The following ETS1 variants were observed in gnomAD, a reference collection of about 807,000 sequenced individuals.
ETS1 encodes the protein protein C-ets-1.
In ETS1, 15 loss-of-function variants were observed where a neutral mutation model predicts 58.6. The observed-to-expected ratio is 0.26, with a 90% confidence interval of 0.17 to 0.39. The LOEUF is 0.39. Among genes scored for constraint, ETS1 ranks in the 10% least tolerant of loss-of-function variants. ETS1 has a pLI of 1.00. For synonymous variants in ETS1, 214 were observed against 218.2 expected (o/e 0.98, Z 0.17); for missense variants, 417 against 610.5 (o/e 0.68, Z 3.34).
chr11:128,522,376 CGCCGCGTCTCG>C, intron 3 of ETS1: 2 of 988,528 alleles, frequency 2.0e-6, no homozygotes, highest in Non-Finnish European at 2.4e-6. Context: ...TTTCTCGCGG[CGCCGCGTCTCG>C]GCCGCTGGGT....
intron 1 of ETS1, among the ~76,000 whole-genome samples, chr11:128,584,224 C>A (rs1413010325): frequency 1.3e-5 from 2 of 152,156 alleles, no homozygotes; most frequent in Non-Finnish European, 2.9e-5. Context: ...AATAAGTAAT[C>A]CACAGATACC....
chr11:128,542,686 C>T (rs1864074343), intron 3 of ETS1, among the ~76,000 whole-genome samples: 1 of 152,064 alleles, frequency 6.6e-6, no homozygotes, highest in African/African-American at 2.4e-5. Flanking sequence ...CAGCAACAAC[C>T]CCTCCACTAG....
chr11:128,465,893 C>T (rs1448564532), intron 8 of ETS1, among the ~76,000 whole-genome samples: 1 of 152,184 alleles, frequency 6.6e-6, no homozygotes, highest in Non-Finnish European at 1.5e-5. Context: ...CACTGCAAGG[C>T]CATTTAGATC....
rs1440002146 is a variant in ETS1, at chr11:128,459,310, C to G, written c.*3051G>C. 6.6e-6 allele frequency: 1 copy of G among 152,660 alleles called. No homozygotes were observed. The highest frequency in any genetic ancestry group is 1.5e-5 in the Non-Finnish European group (1 of 68,034). 9.5% of individuals were successfully genotyped at this position (152,660 alleles called of 1,614,324 possible). A position where few individuals can be genotyped will look rare whatever the true frequency, so the allele number is the denominator to read the frequency against. On this transcript the variant is annotated 3_prime_UTR_variant, in exon 10 of 10. Transcript: ENST00000392668. ...ACCCCAACAGAGTAAGCGGCATGCA[C>G]AGCATGACTAGAAGAGAGATGGTGT...
intron 3 of ETS1, among the ~76,000 whole-genome samples, chr11:128,538,755 TACACACAC>T (rs141065992): frequency 0.01 from 1,495 of 144,962 alleles, 21 homozygotes; most frequent in African/African-American, 0.034. Context: ...CATACACACA[TACACACAC>T]ACACACACAC....
chr11:128,541,716 C>A (rs997121960), intron 3 of ETS1, among the ~76,000 whole-genome samples: 18 of 152,154 alleles, frequency 1.2e-4, no homozygotes, highest in Non-Finnish European at 2.4e-4. Flanking sequence ...TCTCCACAGA[C>A]CTTAACTGAG....
chr11:128,580,883 T>A (rs923872150), intron 1 of ETS1, among the ~76,000 whole-genome samples: 1 of 152,148 alleles, frequency 6.6e-6, no homozygotes, highest in Non-Finnish European at 1.5e-5. Context: ...TAAACCCATC[T>A]CCTAATTAAG....
In ETS1 at chr11:128,482,977, T is replaced by C. The variant is rs1448742479; in HGVS notation, c.862+1846A>G. 2.0e-5 allele frequency among the ~76,000 whole-genome samples: 3 copies of C among 152,234 alleles called. 1 individual carries two copies. Among genetic ancestry groups the C allele is most frequent in the Admixed American group, 1.3e-4 (2 of 15,290 alleles). On this transcript the variant is annotated intron_variant, in intron 7 of 9. Transcript: ENST00000392668. ...TGTACGCTGTAATGCAGCCCGTGAA[T>C]ACTGTACTATGGTTAGTATAAATAA...
chr11:128,531,236 A>C (rs1281793300), intron 3 of ETS1, among the ~76,000 whole-genome samples: 1 of 152,246 alleles, frequency 6.6e-6, no homozygotes, highest in African/African-American at 2.4e-5. Flanking sequence ...CTTTGACCTC[A>C]GAAAGCCTCA....
chr11:128,534,355 A>C (rs1325561886), intron 3 of ETS1, among the ~76,000 whole-genome samples: 1 of 152,238 alleles, frequency 6.6e-6, no homozygotes, highest in African/African-American at 2.4e-5. Context: ...ATACAATTTA[A>C]GTTTTCCATG....
In ETS1 at chr11:128,480,082, C is replaced by A. The variant is rs571000924; in HGVS notation, c.1123+109G>T. On this transcript the variant is annotated intron_variant, in intron 8 of 9. Transcript: ENST00000392668. ...AGAGAGACTTCTCCCCCGTGCCCTG[C>A]AAAAGGGAGTCTCTCGTCGTCTCTG... The A allele has an allele frequency of 2.9e-5, 42 of 1,446,726 alleles. 1 individual carries two copies. In the East Asian group the frequency reaches 1.0e-3, roughly 35 times the overall value. 89.6% of individuals were successfully genotyped at this position (1,446,726 alleles called of 1,614,324 possible).
At chr11:128,506,199 G>A (rs577316926) in intron 3 of ETS1, among the ~76,000 whole-genome samples, 4 of 152,290 alleles carry the variant, frequency 2.6e-5, no homozygotes, top group South Asian at 2.1e-4. Context: ...GGAATTAGAC[G>A]TTGATGATGA....
intron 4 of ETS1, 123 bp downstream of exon 4, chr11:128,490,334 G>T: frequency 1.1e-6 from 1 of 950,208 alleles, no homozygotes; most frequent in Non-Finnish European, 1.6e-6. Context: ...TGGCAGCCAT[G>T]GCCCATAGCT....
intron 3 of ETS1, among the ~76,000 whole-genome samples, chr11:128,518,678 G>A (rs1863586486): frequency 6.6e-6 from 1 of 152,180 alleles, no homozygotes; most frequent in Non-Finnish European, 1.5e-5. Flanking sequence ...CGGGGATCTG[G>A]GAGCACAGTG....
intron 2 of ETS1, among the ~76,000 whole-genome samples, chr11:128,560,576 A>G (rs958000288): frequency 1.3e-5 from 2 of 152,238 alleles, no homozygotes; most frequent in African/African-American, 4.8e-5. Context: ...ATTTGATTTC[A>G]GATTGTCTTT....
At chr11:128,470,547 G>T (rs1404049900) in intron 8 of ETS1, among the ~76,000 whole-genome samples, 1 of 152,012 alleles carries the variant, frequency 6.6e-6, no homozygotes, top group Non-Finnish European at 1.5e-5. Flanking sequence ...CATATATATA[G>T]ACAGAGAGAG....
intron 3 of ETS1, among the ~76,000 whole-genome samples, chr11:128,550,255 A>C (rs1217097663): frequency 6.6e-6 from 1 of 152,156 alleles, no homozygotes; most frequent in African/African-American, 2.4e-5. Context: ...ATTATACTCA[A>C]AATGTATACC....
intron 3 of ETS1, among the ~76,000 whole-genome samples, chr11:128,518,903 C>T (rs920511184): frequency 1.3e-5 from 2 of 152,192 alleles, no homozygotes; most frequent in South Asian, 2.1e-4. Flanking sequence ...AGGATTAGAG[C>T]TCCTGCTCTT....
intron 3 of ETS1, 100 bp downstream of exon 3, chr11:128,556,191 A>G: frequency 6.6e-6 from 7 of 1,065,008 alleles, no homozygotes; most frequent in Non-Finnish European, 8.1e-6. Flanking sequence ...CTGTACCCGC[A>G]TAAGCCATGG....
Sources: allele counts gnomAD v4.1 joint callset (sites outside exome capture counted in the v4.1 genomes callset), GRCh38; gene constraint gnomAD v4.1.1; transcripts MANE v1.5; gene names NCBI Gene and HGNC (gene_info 2026-07-23, HGNC 2026-07-21).